The following C12orf54 variants were observed in gnomAD, a reference collection of about 807,000 sequenced individuals.
C12orf54 encodes chromosome 12 open reading frame 54.
Under a neutral mutation model 26.4 loss-of-function variants are expected in C12orf54, and 24 were observed. That is an observed-to-expected ratio of 0.91 (90% CI 0.66 to 1.28). The LOEUF is 1.28. Ranked by LOEUF, C12orf54 falls within the 50% of genes most tolerant of loss-of-function variation. The pLI is 0.00. For synonymous variants in C12orf54, 54 were observed against 47.0 expected (o/e 1.15, Z -0.61); for missense variants, 154 against 150.9 (o/e 1.02, Z -0.11).
the C12orf54 span, among the ~76,000 whole-genome samples, chr12:48,446,083 T>C: frequency 6.6e-6 from 1 of 152,202 alleles, no homozygotes; most frequent in East Asian, 1.9e-4. Context: ...ATAACCATAC[T>C]TCTGTCTTTT....
At chr12:48,427,685 C>T in the C12orf54 span, among the ~76,000 whole-genome samples, 2 of 152,022 alleles carry the variant, frequency 1.3e-5, no homozygotes, top group Non-Finnish European at 2.9e-5. Flanking sequence ...ATAATTACTA[C>T]TAGAACTAAG....
chr12:48,415,465 C>A, the C12orf54 span, among the ~76,000 whole-genome samples: 1 of 152,152 alleles, frequency 6.6e-6, no homozygotes, highest in Non-Finnish European at 1.5e-5. Flanking sequence ...CTTTTCTGTT[C>A]TTTTCTTATT....
At chr12:48,445,753 A>G in the C12orf54 span, among the ~76,000 whole-genome samples, 6 of 152,344 alleles carry the variant, frequency 3.9e-5, no homozygotes, top group Admixed American at 3.9e-4. Context: ...TAACTTGAGT[A>G]TAGTGCTGAA....
the C12orf54 span, among the ~76,000 whole-genome samples, chr12:48,435,804 A>C: frequency 2.6e-5 from 4 of 152,246 alleles, no homozygotes; most frequent in Admixed American, 6.5e-5. Context: ...CTGCAAAAAC[A>C]TGCCAAATTG....
chr12:48,480,230 T>C (rs1348993564), upstream of C12orf54, among the ~76,000 whole-genome samples: 1 of 152,220 alleles, frequency 6.6e-6, no homozygotes, highest in Admixed American at 6.5e-5. Context: ...CAGGAATGTA[T>C]AAAACAAATT....
At chr12:48,452,517 GA>G in the C12orf54 span, among the ~76,000 whole-genome samples, 2 of 151,870 alleles carry the variant, frequency 1.3e-5, no homozygotes, top group East Asian at 3.9e-4. Flanking sequence ...CTTCTGCACA[GA>G]AAAAAACACA....
At chr12:48,453,135 C>A in the C12orf54 span, among the ~76,000 whole-genome samples, 3 of 152,096 alleles carry the variant, frequency 2.0e-5, no homozygotes, top group African/African-American at 7.2e-5. Flanking sequence ...GTGGTACATA[C>A]ATGATGGAAT....
At chr12:48,434,745 A>G in the C12orf54 span, among the ~76,000 whole-genome samples, 2 of 152,196 alleles carry the variant, frequency 1.3e-5, no homozygotes, top group African/African-American at 4.8e-5. Context: ...GGACATCCAC[A>G]CCAAAAACCC....
the C12orf54 span, among the ~76,000 whole-genome samples, chr12:48,455,058 G>A: frequency 3.3e-5 from 5 of 152,174 alleles, no homozygotes; most frequent in African/African-American, 9.7e-5. Flanking sequence ...TCATCATCCA[G>A]GTAGTGAGCA....
At chr12:48,429,988 T>A in the C12orf54 span, among the ~76,000 whole-genome samples, 1 of 152,048 alleles carries the variant, frequency 6.6e-6, no homozygotes, top group Admixed American at 6.6e-5. Context: ...TGGAACAGAA[T>A]AAAGAACCCA....
the C12orf54 span, among the ~76,000 whole-genome samples, chr12:48,440,246 C>T: frequency 2.0e-5 from 3 of 151,776 alleles, no homozygotes; most frequent in African/African-American, 7.3e-5. Context: ...AGAAAGTATT[C>T]TTGAGAAGGT....
At chr12:48,419,319 A>G in the C12orf54 span, among the ~76,000 whole-genome samples, 1 of 152,230 alleles carries the variant, frequency 6.6e-6, no homozygotes, top group Admixed American at 6.5e-5. Flanking sequence ...TGATCTTTGG[A>G]AGGGTTTTAA....
the C12orf54 span, among the ~76,000 whole-genome samples, chr12:48,447,212 CTGTGTGTGTGTGTG>C: frequency 2.2e-5 from 2 of 90,968 alleles, no homozygotes; most frequent in Non-Finnish European, 6.0e-5. Flanking sequence ...CTCTCTTACT[CTGTGTGTGTGTGTG>C]TGTGTGTGTG....
the C12orf54 span, among the ~76,000 whole-genome samples, chr12:48,429,699 A>G: frequency 6.6e-6 from 1 of 152,220 alleles, no homozygotes; most frequent in African/African-American, 2.4e-5. Context: ...TCCCATGCTC[A>G]TGGATGGGTA....
At chr12:48,439,551 T>C in the C12orf54 span, among the ~76,000 whole-genome samples, 1 of 152,118 alleles carries the variant, frequency 6.6e-6, no homozygotes, top group African/African-American at 2.4e-5. Context: ...ATATACACCA[T>C]GGAATACTGT....
intron 4 of C12orf54, among the ~76,000 whole-genome samples, chr12:48,487,065 A>G (rs1434332587): frequency 6.6e-6 from 1 of 152,220 alleles, no homozygotes; most frequent in East Asian, 1.9e-4. Flanking sequence ...TGTTGGTTTC[A>G]ATTCACAAAC....
chr12:48,418,333 A>G, the C12orf54 span, among the ~76,000 whole-genome samples: 1 of 152,234 alleles, frequency 6.6e-6, no homozygotes, highest in Admixed American at 6.5e-5. Flanking sequence ...AGCGTGTGCT[A>G]GGGAGGCTAA....
chr12:48,475,915 G>A, the C12orf54 span, among the ~76,000 whole-genome samples: 5 of 151,546 alleles, frequency 3.3e-5, no homozygotes, highest in African/African-American at 7.3e-5. Flanking sequence ...GATACTCCTC[G>A]AGAAGAGCAA....
At chr12:48,476,123 A>C in the C12orf54 span, among the ~76,000 whole-genome samples, 2 of 152,224 alleles carry the variant, frequency 1.3e-5, no homozygotes, top group African/African-American at 4.8e-5. Context: ...TTTTCAACCC[A>C]GAATTTCATA....
Sources: gnomAD v4.1 joint callset for allele counts (sites outside exome capture counted in the v4.1 genomes callset) on GRCh38, gnomAD v4.1.1 for gene constraint, MANE v1.5 for transcripts, NCBI Gene and HGNC (gene_info 2026-07-23, HGNC 2026-07-21) for gene names.